The following SH3RF2 variants were observed in gnomAD, a reference collection of about 807,000 sequenced individuals.
SH3RF2 encodes E3 ubiquitin-protein ligase SH3RF2.
In SH3RF2, 43 loss-of-function variants were observed where a neutral mutation model predicts 59.0. The observed-to-expected ratio is 0.73, with a 90% confidence interval of 0.57 to 0.94. SH3RF2 has a LOEUF of 0.94. SH3RF2 is among the 40% of genes least tolerant of loss of function. The pLI is 0.00. For missense variants in SH3RF2, 930 were observed against 940.1 expected (o/e 0.99, Z 0.14); for synonymous variants, 391 against 391.5 (o/e 1.00, Z 0.01).
At chr5:146,054,829 AAG>A (rs1762615176) in intron 7 of SH3RF2, among the ~76,000 whole-genome samples, 1 of 152,226 alleles carries the variant, frequency 6.6e-6, no homozygotes, top group African/African-American at 2.4e-5. Flanking sequence ...AGGCATTGGT[AAG>A]AAGGAAACCA....
intron 2 of SH3RF2, among the ~76,000 whole-genome samples, chr5:145,984,156 A>G (rs1370642004): frequency 6.6e-6 from 1 of 152,122 alleles, no homozygotes; most frequent in African/African-American, 2.4e-5. Flanking sequence ...TGTATGTCTC[A>G]TTTATTGTAG....
At chr5:145,987,848 G>A (rs898818033) in intron 2 of SH3RF2, among the ~76,000 whole-genome samples, 1 of 152,146 alleles carries the variant, frequency 6.6e-6, no homozygotes, top group Non-Finnish European at 1.5e-5. Flanking sequence ...TATTTATTGA[G>A]CACTTATTAT....
chr5:146,020,439 A>AATTGCTGT (rs1761275674), intron 5 of SH3RF2, among the ~76,000 whole-genome samples: 1 of 152,144 alleles, frequency 6.6e-6, no homozygotes, highest in South Asian at 2.1e-4. Context: ...TTGAATAAAT[A>AATTGCTGT]ATTGCTGTTC....
intron 8 of SH3RF2, 139 bp downstream of exon 8, chr5:146,056,352 A>G (rs1268185239): frequency 7.4e-7 from 1 of 1,347,100 alleles, no homozygotes; most frequent in Non-Finnish European, 1.0e-6. Context: ...ACAATTCCCA[A>G]ATGATGAGTT....
chr5:146,076,549 G>A (rs1242042609), intron 9 of SH3RF2, among the ~76,000 whole-genome samples: 1 of 152,200 alleles, frequency 6.6e-6, no homozygotes, highest in African/African-American at 2.4e-5. Flanking sequence ...TTATTGACAT[G>A]GTGAGACGCA....
At chr5:145,986,047 G>A (rs1759692762) in intron 2 of SH3RF2, among the ~76,000 whole-genome samples, 1 of 136,192 alleles carries the variant, frequency 7.3e-6, no homozygotes, top group South Asian at 2.6e-4. Context: ...ATAAATAAAT[G>A]TCTGTTATCG....
chr5:145,963,885 T>C (rs1433680936), intron 2 of SH3RF2, among the ~76,000 whole-genome samples: 1 of 151,140 alleles, frequency 6.6e-6, no homozygotes, highest in East Asian at 1.9e-4. Context: ...CAGGCTGGAG[T>C]GCAGTGCCGC....
At chr5:146,002,912 C>T (rs1394859338) in intron 3 of SH3RF2, among the ~76,000 whole-genome samples, 3 of 152,192 alleles carry the variant, frequency 2.0e-5, no homozygotes, top group Non-Finnish European at 4.4e-5. Context: ...CCTCCTACCC[C>T]CTGCATCTGA....
chr5:145,983,797 C>T (rs1359368634), intron 2 of SH3RF2, among the ~76,000 whole-genome samples: 2 of 152,112 alleles, frequency 1.3e-5, no homozygotes, highest in Non-Finnish European at 2.9e-5. Flanking sequence ...CTTCAATAAG[C>T]GAGAGTCTCC....
At position 146,047,795 on chromosome 5, in the gene SH3RF2, T is replaced by C; in HGVS notation, c.1083T>C (p.Pro361=). ...VGQVSTYHPA[P]VSPGHSTAVV... Reference sequence around the variant, plus strand: ...AGGTCAGCACTTATCACCCCGCACCTGTCTCTCCAGGACATTCCACAGCCG... The same window carrying C: ...AGGTCAGCACTTATCACCCCGCACCCGTCTCTCCAGGACATTCCACAGCCG... Residue 361 remains proline (P), a synonymous_variant, in exon 6 of 10, where the codon CCT becomes CCC. Coordinates refer to ENST00000359120, the MANE Select transcript of SH3RF2 (RefSeq NM_152550.4). 1 of 1,614,160 alleles carries C rather than the reference T, an allele frequency of 6.2e-7. No homozygotes were observed. The highest frequency in any genetic ancestry group is 8.5e-7 in the Non-Finnish European group (1 of 1,180,030).
chr5:145,963,832 T>G lies in SH3RF2; in HGVS notation c.378+25526T>G, dbSNP rs549323252. On this transcript the variant is annotated intron_variant, in intron 2 of 9. Transcript: ENST00000359120. ...TTTCTTTCTTTCTTTCTTTTTTGTT[T>G]TTTTTTTTTTTCTTTTTTGAGATGG... Among the ~76,000 whole-genome samples the G allele has an allele frequency of 1.7e-3, 252 of 151,108 alleles. 1 individual carries two copies. Among genetic ancestry groups the G allele is most frequent in the African/African-American group, 5.8e-3 (237 of 41,212 alleles).
chr5:145,938,065 A>T lies in SH3RF2; in HGVS notation c.137A>T (p.Glu46Val), dbSNP rs1445087862. 6 of 1,614,104 alleles carry T rather than the reference A, an allele frequency of 3.7e-6. No individual in the cohort carries two copies. Among genetic ancestry groups the T allele is most frequent in the African/African-American group, 1.3e-5 (1 of 74,936 alleles). ...CLQRVFKAHK[E>V]LRCPECRTPV... ...CAGAGGGTTTTCAAGGCCCACAAAG[A>T]GCTGCGGTGCCCCGAATGCAGGACG... The change falls in exon 2 of 10, where the codon GAG becomes GTG. Residue 46 changes from glutamate (E) to valine (V), a missense_variant. Physicochemically the swap from Glu to Val is moderately radical, Grantham distance 121. Coordinates refer to ENST00000359120, the MANE Select transcript of SH3RF2 (RefSeq NM_152550.4).
chr5:146,023,063 A>G (rs1227353312), intron 5 of SH3RF2, among the ~76,000 whole-genome samples: 1 of 152,058 alleles, frequency 6.6e-6, no homozygotes, highest in Admixed American at 6.6e-5. Context: ...TCTTTATTCT[A>G]CATATCCCTC....
At chr5:145,970,535 G>T (rs1013716701) in intron 2 of SH3RF2, among the ~76,000 whole-genome samples, 1 of 152,114 alleles carries the variant, frequency 6.6e-6, no homozygotes, top group African/African-American at 2.4e-5. Flanking sequence ...TGGGCATTTA[G>T]GCTGGTTCTA....
intron 5 of SH3RF2, among the ~76,000 whole-genome samples, chr5:146,044,590 G>C (rs913424003): frequency 6.6e-6 from 1 of 152,062 alleles, no homozygotes; most frequent in Non-Finnish European, 1.5e-5. Context: ...TGGGTTCTTT[G>C]TCTTCTTATG....
intron 5 of SH3RF2, among the ~76,000 whole-genome samples, chr5:146,028,800 T>C (rs1301544076): frequency 2.0e-5 from 3 of 152,148 alleles, no homozygotes; most frequent in African/African-American, 7.2e-5. Context: ...ACCACTCTTC[T>C]CAAACACATG....
intron 5 of SH3RF2, among the ~76,000 whole-genome samples, chr5:146,021,011 G>A (rs998086036): frequency 6.6e-6 from 1 of 152,144 alleles, no homozygotes; most frequent in Non-Finnish European, 1.5e-5. Context: ...TCTGAATAAA[G>A]TAGTTTCTGG....
At chr5:146,013,658 G>T in intron 4 of SH3RF2, 89 bp from the exon 5 acceptor site, 1 of 1,449,954 alleles carries the variant, frequency 6.9e-7, no homozygotes, top group South Asian at 1.2e-5. Context: ...GGTGGCACCT[G>T]ACCTGGCTTC....
intron 9 of SH3RF2, among the ~76,000 whole-genome samples, chr5:146,074,450 C>T (rs1763302694): frequency 6.6e-6 from 1 of 152,026 alleles, no homozygotes; most frequent in Non-Finnish European, 1.5e-5. Flanking sequence ...ATCTCTACAA[C>T]GAGGGACTTG....
Sources: allele counts gnomAD v4.1 joint callset (sites outside exome capture counted in the v4.1 genomes callset), GRCh38; gene constraint gnomAD v4.1.1; transcripts MANE v1.5; gene names NCBI Gene and HGNC (gene_info 2026-07-23, HGNC 2026-07-21).